The following SEMA3E variants were observed in gnomAD, a reference collection of about 807,000 sequenced individuals.
The protein encoded by SEMA3E is semaphorin 3E.
Under a neutral mutation model 93.6 loss-of-function variants are expected in SEMA3E, and 49 were observed. The ratio of observed to expected loss-of-function variants is 0.52; its 90% CI spans 0.42 to 0.66. The LOEUF is 0.66. SEMA3E is among the 30% of genes least tolerant of loss of function. The probability of loss-of-function intolerance (pLI) is 0.00; values close to 1 mark genes in which losing one functional copy is unlikely to be tolerated. For missense variants in SEMA3E, 906 were observed against 964.8 expected (o/e 0.94, Z 0.81); for synonymous variants, 363 against 330.7 (o/e 1.10, Z -1.06).
chr7:83,521,365 C>T (rs544429238), intron 1 of SEMA3E, among the ~76,000 whole-genome samples: 7 of 152,102 alleles, frequency 4.6e-5, no homozygotes, highest in East Asian at 1.9e-4. Flanking sequence ...ACAATGAATA[C>T]GAGAAAATTA....
Position 83,390,170 on chromosome 7 carries a change from T to C in SEMA3E, c.1667+2385A>G, listed in dbSNP as rs1219274166. Among the ~76,000 whole-genome samples, 3 of 12,672 alleles carry C rather than the reference T, an allele frequency of 2.4e-4. 1 individual carries two copies. Among genetic ancestry groups the C allele is most frequent in the Non-Finnish European group, 4.7e-4 (2 of 4,282 alleles). 8.3% of individuals were successfully genotyped at this position (12,672 alleles called of 152,430 possible). Reference sequence around the variant, plus strand: ...GTATACGTGTGCACATATATGCGCGTATACGTGTGCACATATATGCGCGTA... The same window carrying C: ...GTATACGTGTGCACATATATGCGCGCATACGTGTGCACATATATGCGCGTA... On this transcript the variant is annotated intron_variant, in intron 14 of 16. Transcript: ENST00000643230.
chr7:83,595,119 G>T lies in SEMA3E; in HGVS notation c.115+53309C>A, dbSNP rs562408316. Among the ~76,000 whole-genome samples the T allele has an allele frequency of 2.0e-5, 3 of 152,142 alleles. No homozygotes were observed. In the South Asian group the frequency reaches 6.2e-4, roughly 32 times the overall value. On this transcript the variant is annotated intron_variant, in intron 1 of 16. Transcript: ENST00000643230. Reference sequence around the variant, plus strand: ...CTAAAGAGAATCTAAGTGAAAAGAAGCTAGAGTCATGTTTGAATGACATCT... The same window carrying T: ...CTAAAGAGAATCTAAGTGAAAAGAATCTAGAGTCATGTTTGAATGACATCT...
In SEMA3E at chr7:83,363,860, ATTTT is replaced by A. The variant is rs56867715; in HGVS notation, c.*3722_*3725del. 9.9e-4 allele frequency: 76 copies of A among 76,968 alleles called. 2 individuals carry two copies. The highest frequency in any genetic ancestry group is 3.6e-3 in the African/African-American group (72 of 20,112). The allele number at this position is 76,968 out of a possible 1,614,324, so 4.8% of individuals were successfully genotyped here. ...GGCTACAGGTGTCACAGGTCAATTC[ATTTT>A]TTTTTTTTTTTTTTTTTTTTTTTTT... On this transcript the variant is annotated 3_prime_UTR_variant, in exon 17 of 17. Coordinates refer to ENST00000643230, the MANE Select transcript of SEMA3E (RefSeq NM_012431.3).
intron 10 of SEMA3E, among the ~76,000 whole-genome samples, chr7:83,402,214 T>C (rs1210641349): frequency 2.0e-5 from 3 of 151,992 alleles, no homozygotes; most frequent in Non-Finnish European, 4.4e-5. Context: ...TAGAGGCTAA[T>C]TTAAATGTTA....
intron 1 of SEMA3E, among the ~76,000 whole-genome samples, chr7:83,640,054 G>A (rs1793972828): frequency 6.6e-6 from 1 of 152,210 alleles, no homozygotes. Flanking sequence ...GTATCTTAAA[G>A]CCCCTCTCCA....
chr7:83,405,498 G>C lies in SEMA3E; in HGVS notation c.950C>G (p.Thr317Ser). The C allele has an allele frequency of 1.2e-6, 2 of 1,612,974 alleles. No individual in the cohort carries two copies. Among genetic ancestry groups the C allele is most frequent in the South Asian group, 2.2e-5 (2 of 91,068 alleles). ...TATCACTGGATTCTTATGATCTCTG[G>C]TAGGTAGCAAAAAAACGTCCTCTGA... ...DELEDVFLLP[T>S]RDHKNPVIFG... is the part of the protein sequence containing the mutation. Residue 317 changes from threonine (T) to serine (S), a missense_variant, in exon 9 of 17, where the codon ACC becomes AGC. By Grantham distance (58) the Thr-to-Ser change is moderately conservative (BLOSUM62 1). Coordinates refer to ENST00000643230, the MANE Select transcript of SEMA3E (RefSeq NM_012431.3).
At chr7:83,436,636 T>G (rs1789010426) in intron 4 of SEMA3E, among the ~76,000 whole-genome samples, 1 of 152,068 alleles carries the variant, frequency 6.6e-6, no homozygotes, top group African/African-American at 2.4e-5. Context: ...TATAAGCAAG[T>G]ATACAAAGAA....
At chr7:83,594,282 G>T (rs559859910) in intron 1 of SEMA3E, among the ~76,000 whole-genome samples, 2 of 152,296 alleles carry the variant, frequency 1.3e-5, no homozygotes, top group East Asian at 3.9e-4. Context: ...CCGGCAGGAA[G>T]TTTATTTAGC....
intron 1 of SEMA3E, among the ~76,000 whole-genome samples, chr7:83,594,758 T>C (rs1165194486): frequency 1.3e-5 from 2 of 152,062 alleles, no homozygotes; most frequent in Non-Finnish European, 2.9e-5. Context: ...TCCACATAGC[T>C]CAGCACCCCA....
At chr7:83,573,233 A>G (rs1792323410) in intron 1 of SEMA3E, among the ~76,000 whole-genome samples, 2 of 152,136 alleles carry the variant, frequency 1.3e-5, no homozygotes, top group African/African-American at 4.8e-5. Flanking sequence ...AATAGATAAA[A>G]TACATAAACA....
intron 16 of SEMA3E, among the ~76,000 whole-genome samples, 172 bp downstream of exon 16, chr7:83,385,118 ATATT>A (rs1345398320): frequency 6.6e-6 from 1 of 150,872 alleles, no homozygotes; most frequent in African/African-American, 2.4e-5. Context: ...ATATGTATAT[ATATT>A]TAAATTATTG....
chr7:83,445,848 G>A (rs182816857), intron 4 of SEMA3E, among the ~76,000 whole-genome samples: 37 of 151,808 alleles, frequency 2.4e-4, no homozygotes, highest in African/African-American at 8.9e-4. Context: ...AAAGAGAGAG[G>A]GAAGTTATGG....
intron 5 of SEMA3E, among the ~76,000 whole-genome samples, chr7:83,411,086 T>A (rs1164103284): frequency 1.3e-5 from 2 of 152,110 alleles, no homozygotes; most frequent in Admixed American, 1.3e-4. Context: ...ACACTTCGAT[T>A]TTAATGGATT....
chr7:83,546,627 C>A (rs1003426920), intron 1 of SEMA3E, among the ~76,000 whole-genome samples: 8 of 152,004 alleles, frequency 5.3e-5, no homozygotes, highest in African/African-American at 1.9e-4. Context: ...TGTATCAATA[C>A]CCCATTATGT....
At chr7:83,545,242 C>A (rs1298017410) in intron 1 of SEMA3E, among the ~76,000 whole-genome samples, 2 of 151,972 alleles carry the variant, frequency 1.3e-5, no homozygotes, top group African/African-American at 4.8e-5. Flanking sequence ...CCATCTAGAA[C>A]TATGTTCATT....
At chr7:83,528,392 T>A (rs1235840705) in intron 1 of SEMA3E, among the ~76,000 whole-genome samples, 1 of 152,150 alleles carries the variant, frequency 6.6e-6, no homozygotes, top group Non-Finnish European at 1.5e-5. Context: ...TTGTTGGAAC[T>A]GATGATAAGG....
intron 5 of SEMA3E, among the ~76,000 whole-genome samples, chr7:83,417,017 G>GCACA (rs1562772762): frequency 1.2e-4 from 12 of 96,216 alleles, no homozygotes; most frequent in South Asian, 1.2e-3. Flanking sequence ...ACACACACAG[G>GCACA]GAGAGAGAGA....
At chr7:83,463,046 C>T (rs1018216901) in intron 4 of SEMA3E, among the ~76,000 whole-genome samples, 10 of 148,500 alleles carry the variant, frequency 6.7e-5, no homozygotes, top group South Asian at 2.2e-4. Context: ...AGACAGCCCC[C>T]GTTACTTCAA....
At chr7:83,488,297 G>A (rs1203565052) in intron 2 of SEMA3E, among the ~76,000 whole-genome samples, 1 of 152,104 alleles carries the variant, frequency 6.6e-6, no homozygotes, top group Non-Finnish European at 1.5e-5. Context: ...TGAAGGCCAT[G>A]GGGTCCCTGG....
Sources: gnomAD v4.1 joint callset for allele counts (sites outside exome capture counted in the v4.1 genomes callset) on GRCh38, gnomAD v4.1.1 for gene constraint, MANE v1.5 for transcripts, NCBI Gene and HGNC (gene_info 2026-07-23, HGNC 2026-07-21) for gene names.